Variants in DIP2C observed in about 807,000 individuals in gnomAD.
The protein encoded by DIP2C is DIP2 acetate--CoA ligase C (putative), also known as disco-interacting protein 2 homolog C.
A neutral mutation model predicts 192.4 loss-of-function variants in DIP2C; 33 were observed. The observed-to-expected ratio is 0.17, with a 90% CI of 0.13 to 0.23. DIP2C has a LOEUF of 0.23. Among genes scored for constraint, DIP2C ranks in the 10% least tolerant of loss-of-function variants. The pLI is 1.00. For missense variants in DIP2C, 1,537 were observed against 2,110.1 expected (o/e 0.73, Z 5.32); for synonymous variants, 979 against 864.1 (o/e 1.13, Z -2.33).
intron 1 of DIP2C, chr10:667,793 C>T (rs1399424649): frequency 6.6e-6 from 1 of 152,154 alleles, no homozygotes; most frequent in African/African-American, 2.4e-5. Context: ...AACACTCATA[C>T]AAAACAACAT....
chr10:542,528 G>A (rs1848056594), intron 1 of DIP2C, among the ~76,000 whole-genome samples: 1 of 152,212 alleles, frequency 6.6e-6, no homozygotes, highest in Admixed American at 6.5e-5. Context: ...GACAGCCCAG[G>A]CTCCAGAAAT....
chr10:592,887 C>A (rs988243895), intron 1 of DIP2C, among the ~76,000 whole-genome samples: 1 of 151,478 alleles, frequency 6.6e-6, no homozygotes, highest in African/African-American at 2.5e-5. Flanking sequence ...AAGGCTCAAA[C>A]CAACTGGGTA....
chr10:525,503 G>T (rs1410723060), intron 1 of DIP2C, among the ~76,000 whole-genome samples: 1 of 152,176 alleles, frequency 6.6e-6, no homozygotes, highest in East Asian at 1.9e-4. Flanking sequence ...AATACAAAGT[G>T]TTTGAGGAAA....
intron 1 of DIP2C, among the ~76,000 whole-genome samples, chr10:546,275 C>CTGTCT (rs369599286): frequency 3.4e-4 from 18 of 52,728 alleles, no homozygotes; most frequent in African/African-American, 9.9e-4. Flanking sequence ...GAGCAAGACT[C>CTGTCT]TTAAAAAAAA....
chr10:650,464 C>A, intron 1 of DIP2C: 1 of 706,588 alleles, frequency 1.4e-6, no homozygotes, highest in South Asian at 1.5e-5. Flanking sequence ...GGTTATCGTT[C>A]CTAAGAGAGT....
At chr10:404,527 A>C (rs538123820) in intron 9 of DIP2C, among the ~76,000 whole-genome samples, 1 of 152,162 alleles carries the variant, frequency 6.6e-6, no homozygotes, top group African/African-American at 2.4e-5. Context: ...GAAGTTAAAC[A>C]ATTTTTTATG....
intron 1 of DIP2C, among the ~76,000 whole-genome samples, chr10:529,090 G>A (rs1847228740): frequency 6.6e-6 from 1 of 152,156 alleles, no homozygotes; most frequent in Non-Finnish European, 1.5e-5. Context: ...TTAGACTCGA[G>A]GCTCCCAGGA....
intron 1 of DIP2C, among the ~76,000 whole-genome samples, chr10:595,658 G>A (rs943671024): frequency 2.0e-5 from 3 of 152,104 alleles, no homozygotes; most frequent in Non-Finnish European, 4.4e-5. Context: ...ATCGGTTCCA[G>A]GACACCCCGG....
At chr10:577,258 T>C (rs1336204627) in intron 1 of DIP2C, among the ~76,000 whole-genome samples, 1 of 152,236 alleles carries the variant, frequency 6.6e-6, no homozygotes, top group Non-Finnish European at 1.5e-5. Context: ...TCACTGGATT[T>C]AGAGAACATG....
chr10:374,159 TAC>T (rs775699719), intron 17 of DIP2C, among the ~76,000 whole-genome samples: 49 of 152,352 alleles, frequency 3.2e-4, no homozygotes, highest in Middle Eastern at 3.4e-3. Flanking sequence ...GCTGGTTTGT[TAC>T]ACACAGTGTT....
chr10:590,245 G>A (rs906389537), intron 1 of DIP2C, among the ~76,000 whole-genome samples: 7 of 152,198 alleles, frequency 4.6e-5, no homozygotes, highest in African/African-American at 9.7e-5. Context: ...AGTTATCAGG[G>A]GACAAGAAAA....
chr10:620,040 C>T (rs1320826828), intron 1 of DIP2C, among the ~76,000 whole-genome samples: 2 of 152,194 alleles, frequency 1.3e-5, no homozygotes, highest in African/African-American at 2.4e-5. Context: ...GCCCAGGTGT[C>T]GGCCCCCAAG....
At chr10:296,716 G>T (rs1171710448) in intron 32 of DIP2C, among the ~76,000 whole-genome samples, 4 of 151,972 alleles carry the variant, frequency 2.6e-5, no homozygotes, top group Non-Finnish European at 5.9e-5. Flanking sequence ...CCATAAAAAA[G>T]GATGAGTTCA....
chr10:485,051 GACC>G (rs1425271040), intron 2 of DIP2C: 5 of 1,382,380 alleles, frequency 3.6e-6, no homozygotes, highest in South Asian at 1.4e-5. Context: ...ACAGCACACA[GACC>G]ACCAAGGGGA....
At chr10:371,983 C>G (rs937573435) in intron 17 of DIP2C, among the ~76,000 whole-genome samples, 1 of 152,110 alleles carries the variant, frequency 6.6e-6, no homozygotes, top group Non-Finnish European at 1.5e-5. Context: ...ATTGAGAACA[C>G]TGACCTGCCG....
At chr10:424,346 T>C (rs917456092) in intron 4 of DIP2C, among the ~76,000 whole-genome samples, 1 of 145,528 alleles carries the variant, frequency 6.9e-6, no homozygotes, top group African/African-American at 2.5e-5. Flanking sequence ...AAATTCTCTA[T>C]CACCTTGGGT....
intron 1 of DIP2C, among the ~76,000 whole-genome samples, chr10:545,695 C>CA (rs1461932975): frequency 2.0e-5 from 3 of 152,176 alleles, no homozygotes; most frequent in Non-Finnish European, 4.4e-5. Flanking sequence ...AGCAGACTGA[C>CA]AAAATGGGTC....
intron 1 of DIP2C, chr10:667,541 GACA>G (rs1472874724): frequency 6.6e-6 from 1 of 151,714 alleles, no homozygotes; most frequent in Non-Finnish European, 1.5e-5. Context: ...ATACAACACT[GACA>G]ACACACAACA....
chr10:411,246 G>A (rs533498923), intron 8 of DIP2C, among the ~76,000 whole-genome samples: 87 of 152,370 alleles, frequency 5.7e-4, no homozygotes, highest in African/African-American at 1.9e-3. Flanking sequence ...AGGAAAGCCA[G>A]ATGAACGTAT....
Sources: gnomAD v4.1 joint callset for allele counts (sites outside exome capture counted in the v4.1 genomes callset) on GRCh38, gnomAD v4.1.1 for gene constraint, MANE v1.5 for transcripts, NCBI Gene and HGNC (gene_info 2026-07-23, HGNC 2026-07-21) for gene names.